The following SLC7A14 variants were observed in gnomAD, a reference collection of about 807,000 sequenced individuals.
SLC7A14 encodes the protein solute carrier family 7 member 14.
In SLC7A14, 37 loss-of-function variants were observed where a neutral mutation model predicts 60.2. That is an observed-to-expected ratio of 0.61 (90% CI 0.47 to 0.81). The LOEUF is 0.81. Ranked by LOEUF, SLC7A14 falls within the 30% of genes least tolerant of loss-of-function variation. The pLI, the probability that SLC7A14 is intolerant of heterozygous loss-of-function variation, is 0.00. For missense variants in SLC7A14, 886 were observed against 982.7 expected (o/e 0.90, Z 1.32); for synonymous variants, 399 against 395.8 (o/e 1.01, Z -0.10).
At chr3:170,571,426 T>C (rs1714952768) in intron 1 of SLC7A14, among the ~76,000 whole-genome samples, 1 of 152,236 alleles carries the variant, frequency 6.6e-6, no homozygotes, top group Non-Finnish European at 1.5e-5. Context: ...TAAGTTATAT[T>C]ATGTTGGTCA....
chr3:170,470,245 G>T (rs1739850878), intron 7 of SLC7A14, among the ~76,000 whole-genome samples: 1 of 151,304 alleles, frequency 6.6e-6, no homozygotes, highest in Non-Finnish European at 1.5e-5. Context: ...TATGCCCACT[G>T]CAGTAAACAT....
intron 1 of SLC7A14, among the ~76,000 whole-genome samples, chr3:170,554,475 T>C (rs1714434031): frequency 6.6e-6 from 1 of 152,214 alleles, no homozygotes. Flanking sequence ...ATGTTCAGCA[T>C]TTCCTTTTCC....
chr3:170,541,096 TG>T (rs928161673), intron 1 of SLC7A14, among the ~76,000 whole-genome samples: 11 of 143,596 alleles, frequency 7.7e-5, no homozygotes, highest in African/African-American at 3.0e-4. Context: ...GAATATAAAC[TG>T]ATATAAATGT....
Position 170,481,000 on chromosome 3 carries a change from G to A in SLC7A14, c.1282C>T (p.Leu428Phe), listed in dbSNP as rs1711796473. The A allele has an allele frequency of 1.9e-6, 3 of 1,613,984 alleles. No homozygotes were observed. The highest frequency in any genetic ancestry group is 2.2e-5 in the East Asian group (1 of 44,882). ...TCACTCTCAGGTTGGTATCGAAGGAGCAAGACACAGACAGAGACCAAGGTG... is the reference window on the plus strand; with the variant it reads ...TCACTCTCAGGTTGGTATCGAAGGAACAAGACACAGACAGAGACCAAGGTG... ...AYTLVSVCVL[L>F]LRYQPESDID... The change falls in exon 7 of 8, where the codon CTC becomes TTC. Residue 428 changes from leucine (L) to phenylalanine (F), a missense_variant. Physicochemically the swap from Leu to Phe is conservative, Grantham distance 22. Coordinates refer to ENST00000231706, the MANE Select transcript of SLC7A14 (RefSeq NM_020949.3).
chr3:170,483,257 A>G (rs1348849405), intron 6 of SLC7A14, 57 bp downstream of exon 6: 1 of 1,591,356 alleles, frequency 6.3e-7, no homozygotes, highest in Non-Finnish European at 8.6e-7. Context: ...GTGGGTAGAC[A>G]TTCTCCCTGG....
chr3:170,473,967 C>T (rs1166425704), intron 7 of SLC7A14, among the ~76,000 whole-genome samples: 3 of 152,124 alleles, frequency 2.0e-5, no homozygotes, highest in South Asian at 4.1e-4. Context: ...GTAGTCTGAG[C>T]CAGCAATTCT....
Position 170,558,062 on chromosome 3 carries a change from C to T in SLC7A14, c.-153+27849G>A, listed in dbSNP as rs28558384. 1.1e-3 allele frequency among the ~76,000 whole-genome samples: 170 copies of T among 152,260 alleles called. 1 individual carries two copies. The highest frequency in any genetic ancestry group is 3.7e-3 in the African/African-American group (155 of 41,548). On this transcript the variant is annotated intron_variant, in intron 1 of 7. Coordinates refer to ENST00000231706, the MANE Select transcript of SLC7A14 (RefSeq NM_020949.3). The stretch of plus-strand genomic sequence containing the variant: ...TCCCTAGGACATCCCAGTACTTCCA[C>T]GTCTTTTGGTTAAAGTCAATGGAGG...
chr3:170,527,755 T>A (rs1861936), intron 1 of SLC7A14, among the ~76,000 whole-genome samples: 98,549 of 151,866 alleles, frequency 0.65, 33,690 homozygotes, highest in African/African-American at 0.89. Flanking sequence ...GAGATGTGAG[T>A]TGTGTAGGAT....
intron 4 of SLC7A14, among the ~76,000 whole-genome samples, chr3:170,490,728 T>C (rs559191374): frequency 5.3e-5 from 8 of 152,234 alleles, no homozygotes; most frequent in Non-Finnish European, 1.2e-4. Context: ...CAGGCCCAGG[T>C]TGATTCTGCC....
At chr3:170,467,983 G>T (rs143243318) in intron 7 of SLC7A14, among the ~76,000 whole-genome samples, 52 of 152,276 alleles carry the variant, frequency 3.4e-4, no homozygotes, top group African/African-American at 1.1e-3. Context: ...ACTCCAAGCT[G>T]CCTGCTTTCT....
chr3:170,495,146 C>T (rs1712341907), intron 4 of SLC7A14, among the ~76,000 whole-genome samples: 2 of 152,216 alleles, frequency 1.3e-5, no homozygotes, highest in Admixed American at 6.5e-5. Flanking sequence ...TAACTATTGA[C>T]AACCGTAACA....
intron 4 of SLC7A14, among the ~76,000 whole-genome samples, chr3:170,486,596 G>A (rs551799745): frequency 3.9e-5 from 6 of 152,268 alleles, no homozygotes; most frequent in East Asian, 3.9e-4. Flanking sequence ...AGAATTGGCC[G>A]GGTGCGATGG....
At chr3:170,521,940 G>A (rs867669553) in intron 2 of SLC7A14, among the ~76,000 whole-genome samples, 4 of 151,902 alleles carry the variant, frequency 2.6e-5, no homozygotes, top group African/African-American at 9.7e-5. Context: ...AGAAAAAGGT[G>A]GGGGGTGGGC....
chr3:170,492,435 G>T (rs535658687), intron 4 of SLC7A14, among the ~76,000 whole-genome samples: 4 of 152,128 alleles, frequency 2.6e-5, no homozygotes, highest in African/African-American at 7.2e-5. Context: ...AGCCTGGGAG[G>T]TTGAGACTGC....
At position 170,465,711 on chromosome 3, in the gene SLC7A14, G is replaced by T. The variant is rs998383402; in HGVS notation, c.*1344C>A. On this transcript the variant is annotated 3_prime_UTR_variant, in exon 8 of 8. Coordinates refer to ENST00000231706, the MANE Select transcript of SLC7A14 (RefSeq NM_020949.3). Reference sequence around the variant, plus strand: ...ATTCTATGATAGCTTGATTCAAATTGTGCCTTCACATACATTTGTACGTAT... The same window carrying T: ...ATTCTATGATAGCTTGATTCAAATTTTGCCTTCACATACATTTGTACGTAT... 3 of 152,176 alleles carry T rather than the reference G, an allele frequency of 2.0e-5. No homozygotes were observed. The highest frequency in any genetic ancestry group is 7.2e-5 in the African/African-American group (3 of 41,440). The allele number at this position is 152,176 out of a possible 1,614,324, so 9.4% of individuals were successfully genotyped here. A position where few individuals can be genotyped will look rare whatever the true frequency, so the allele number is the denominator to read the frequency against.
intron 1 of SLC7A14, among the ~76,000 whole-genome samples, chr3:170,554,113 A>C (rs1331205386): frequency 1.1e-4 from 16 of 152,132 alleles, no homozygotes; most frequent in Admixed American, 1.0e-3. Context: ...TGCAAATTCC[A>C]GAGCTAAAAA....
chr3:170,545,607 C>T (rs1161055288), intron 1 of SLC7A14, among the ~76,000 whole-genome samples: 5 of 152,164 alleles, frequency 3.3e-5, no homozygotes, highest in Non-Finnish European at 4.4e-5. Context: ...ATTTTTCCCT[C>T]CACCCTACCC....
At chr3:170,559,358 C>T (rs934687595) in intron 1 of SLC7A14, among the ~76,000 whole-genome samples, 2 of 152,024 alleles carry the variant, frequency 1.3e-5, no homozygotes, top group Admixed American at 1.3e-4. Flanking sequence ...TATAATGCTA[C>T]CTGTTTTCCT....
In SLC7A14 at chr3:170,498,867, A is replaced by G. The variant is rs200522711; in HGVS notation, c.559T>C (p.Tyr187His). The G allele has an allele frequency of 1.7e-5, 27 of 1,614,012 alleles. No homozygotes were observed. The highest frequency in any genetic ancestry group is 2.2e-5 in the Non-Finnish European group (26 of 1,180,014). The change falls in exon 4 of 8, where the codon TAC becomes CAC. Residue 187 changes from tyrosine (Y) to histidine (H), a missense_variant. Physicochemically the swap from Tyr to His is moderately conservative, Grantham distance 83 (BLOSUM62 2). Coordinates refer to ENST00000231706, the MANE Select transcript of SLC7A14 (RefSeq NM_020949.3). ...LNGLGKGEES[Y>H]PDLLALLIAV... Reference sequence around the variant, plus strand: ...ATCAACAGAGCCAGAAGGTCTGGGTATGATTCTTCACCTTTCCCTAGAGAG... The same window carrying G: ...ATCAACAGAGCCAGAAGGTCTGGGTGTGATTCTTCACCTTTCCCTAGAGAG...
Sources: gnomAD v4.1 joint callset for allele counts (sites outside exome capture counted in the v4.1 genomes callset) on GRCh38, gnomAD v4.1.1 for gene constraint, MANE v1.5 for transcripts, NCBI Gene and HGNC (gene_info 2026-07-23, HGNC 2026-07-21) for gene names.